HERC5: variants seen among roughly 807,000 people sequenced by gnomAD.
HERC5 encodes HECT and RLD domain containing E3 ubiquitin protein ligase 5, also known as E3 ISG15--protein ligase HERC5.
Under a neutral mutation model 119.6 loss-of-function variants are expected in HERC5, and 99 were observed. That is an observed-to-expected ratio of 0.83 (90% CI 0.70 to 0.98). HERC5 has a LOEUF of 0.98. Ranked by LOEUF, HERC5 falls within the 50% of genes least tolerant of loss-of-function variation. The pLI is 0.00. For missense variants in HERC5, 1,267 were observed against 1,241.3 expected (o/e 1.02, Z -0.31); for synonymous variants, 478 against 445.9 (o/e 1.07, Z -0.91).
intron 14 of HERC5, 143 bp downstream of exon 14, chr4:88,486,371 T>C: frequency 1.8e-6 from 1 of 545,960 alleles, no homozygotes; most frequent in Non-Finnish European, 3.3e-6. Context: ...AATTTTGCAG[T>C]CAGAGTTCCA....
At position 88,493,087 on chromosome 4, in the gene HERC5, A is replaced by G; in HGVS notation, c.2209A>G (p.Met737Val). 6.2e-7 allele frequency: 1 copy of G among 1,614,082 alleles called. No individual in the cohort carries two copies. Among genetic ancestry groups the G allele is most frequent in the Non-Finnish European group, 8.5e-7 (1 of 1,179,972 alleles). The change falls in exon 17 of 23, where the codon ATG becomes GTG. Residue 737 changes from methionine (M) to valine (V), a missense_variant. Coordinates refer to ENST00000264350, the MANE Select transcript of HERC5 (RefSeq NM_016323.4). ...GTTCTTCTACTGTCTGTTTGCAGAG[A>G]TGATCCAGCCGGAATATGGGATGTT... ...KEFFYCLFAE[M>V]IQPEYGMFMY... is the part of the protein sequence containing the mutation.
intron 18 of HERC5, among the ~76,000 whole-genome samples, chr4:88,497,109 A>G (rs1442586510): frequency 6.6e-6 from 1 of 152,218 alleles, no homozygotes; most frequent in Non-Finnish European, 1.5e-5. Context: ...TTCTATTTAT[A>G]GATTACCCAG....
intron 19 of HERC5, 73 bp from the exon 20 acceptor site, chr4:88,500,841 CA>C (rs1319740221): frequency 3.6e-6 from 4 of 1,099,742 alleles, no homozygotes; most frequent in Non-Finnish European, 4.0e-6. Context: ...AAGTATGCTC[CA>C]AAGTGTTTTT....
chr4:88,505,599 A>G, intron 22 of HERC5, 74 bp from the exon 23 acceptor site: 2 of 851,572 alleles, frequency 2.3e-6, no homozygotes, highest in Non-Finnish European at 3.7e-6. Flanking sequence ...TTGTGAATAA[A>G]TAGATTTTTT....
Position 88,468,379 on chromosome 4 carries a change from T to C in HERC5, c.1091T>C (p.Ile364Thr). The C allele has an allele frequency of 6.2e-7, 1 of 1,612,112 alleles. No homozygotes were observed. Among genetic ancestry groups the C allele is most frequent in the Non-Finnish European group, 8.5e-7 (1 of 1,178,892 alleles). The part of the protein sequence containing the change: ...SHTSEKELIM[I>T]AGGNQSILLW... Reference sequence around the variant, plus strand: ...ACCTCAGAAAAGGAGTTAATAATGATTGCTGGAGGGAATCAAAGCATTTTG... The same window carrying C: ...ACCTCAGAAAAGGAGTTAATAATGACTGCTGGAGGGAATCAAAGCATTTTG... The change falls in exon 8 of 23, where the codon ATT becomes ACT. Residue 364 changes from isoleucine to threonine, a missense_variant. By Grantham distance (89) the Ile-to-Thr change is moderately conservative. This residue lies in a region of HERC5 where 777 missense variants were observed against 758.0 expected (regional missense o/e 1.03). Coordinates refer to ENST00000264350, the MANE Select transcript of HERC5 (RefSeq NM_016323.4).
At chr4:88,463,434 A>C (rs1427460038) in intron 4 of HERC5, 98 bp from the exon 5 acceptor site, 1 of 733,360 alleles carries the variant, frequency 1.4e-6, no homozygotes, top group Non-Finnish European at 2.4e-6. Flanking sequence ...TATCATGAGA[A>C]CTGTTGTCGC....
chr4:88,482,918 A>G (rs1028509498), intron 13 of HERC5, among the ~76,000 whole-genome samples: 2 of 152,050 alleles, frequency 1.3e-5, no homozygotes, highest in African/African-American at 4.8e-5. Flanking sequence ...GGTGTGAGCC[A>G]CTGCACCTGG....
At chr4:88,459,279 A>T (rs1740320714) in intron 1 of HERC5, 68 bp from the exon 2 acceptor site, 1 of 1,268,346 alleles carries the variant, frequency 7.9e-7, no homozygotes, top group Non-Finnish European at 1.0e-6. Flanking sequence ...AGTGTATTAT[A>T]ATGAAGTTAG....
At chr4:88,459,582 A>G in intron 2 of HERC5, 112 bp downstream of exon 2, 1 of 671,844 alleles carries the variant, frequency 1.5e-6, no homozygotes, top group Non-Finnish European at 2.4e-6. Flanking sequence ...CATCTTAAGT[A>G]AATAATAAAT....
At chr4:88,466,042 A>T (rs1740653262) in intron 6 of HERC5, among the ~76,000 whole-genome samples, 1 of 151,106 alleles carries the variant, frequency 6.6e-6, no homozygotes, top group Non-Finnish European at 1.5e-5. Flanking sequence ...TAGTCAGAGG[A>T]GTTCACCCAA....
intron 16 of HERC5, among the ~76,000 whole-genome samples, chr4:88,490,134 TG>T (rs1008188617): frequency 6.6e-6 from 1 of 152,254 alleles, no homozygotes; most frequent in African/African-American, 2.4e-5. Flanking sequence ...ACTGATTTTT[TG>T]TTTAATTACC....
At chr4:88,464,764 TTTTA>T (rs904071715) in intron 6 of HERC5, among the ~76,000 whole-genome samples, 3 of 151,908 alleles carry the variant, frequency 2.0e-5, no homozygotes, top group African/African-American at 4.8e-5. Context: ...AATTTTTAAA[TTTTA>T]TTTATTTATT....
chr4:88,479,830 G>C (rs553419365), intron 13 of HERC5, among the ~76,000 whole-genome samples: 9 of 152,210 alleles, frequency 5.9e-5, no homozygotes, highest in African/African-American at 2.2e-4. Context: ...CACTTTAGGA[G>C]GCCAAGGCGG....
rs767587592 is a variant in HERC5 at position 88,505,699 on chromosome 4, C to T, written c.2896C>T (p.Gln966Ter). 6.3e-7 allele frequency: 1 copy of T among 1,585,704 alleles called. No individual in the cohort carries two copies. Among genetic ancestry groups the T allele is most frequent in the Non-Finnish European group, 8.6e-7 (1 of 1,156,192 alleles). Residue 966 changes from glutamine to a stop codon, truncating the protein, a stop_gained, in exon 23 of 23, where the codon CAA (glutamine) becomes TAA (stop). Coordinates refer to ENST00000264350, the MANE Select transcript of HERC5 (RefSeq NM_016323.4). LOFTEE classifies it low-confidence loss of function (END_TRUNC). ...ATTTCTTACAGGAACTGACAGACTA[C>T]AAATGAAAGATTTAAATAATATGAA... ...LVFLTGTDRL[Q>*]MKDLNNMKIT...
intron 18 of HERC5, among the ~76,000 whole-genome samples, chr4:88,497,961 G>A (rs779254040): frequency 8.7e-4 from 132 of 152,276 alleles, no homozygotes; most frequent in Admixed American, 2.0e-3. Flanking sequence ...GATGTCCAGC[G>A]CTGCCTCAAG....
chr4:88,493,140 GT>G lies in HERC5; in HGVS notation c.2263del (p.Trp755GlyfsTer52). 2 of 1,613,858 alleles carry G rather than the reference GT, an allele frequency of 1.2e-6. No homozygotes were observed. The highest frequency in any genetic ancestry group is 1.7e-5 in the Admixed American group (1 of 59,996). ...TGTATCCTGAAGGGGCTTCCTGCAT[GT>G]GGTTTCCTGTCAAGGTAAGTTCCCT... ...FMYPEGASCM[W>X]FPVKPKFEKK... is the part of the protein sequence containing the mutation. On this transcript the variant is annotated frameshift_variant, in exon 17 of 23. Coordinates refer to ENST00000264350, the MANE Select transcript of HERC5 (RefSeq NM_016323.4). LOFTEE classifies it high-confidence loss of function.
chr4:88,475,963 G>C lies in HERC5; in HGVS notation c.1515G>C (p.Trp505Cys), dbSNP rs760474767. The stretch of plus-strand genomic sequence containing the variant: ...CTATGATGCATATTTCCAACAACTG[G>C]GAGAGCCTTGTGGTTCCATTTGCAA... The part of the protein sequence containing the change: ...ECPMMHISNN[W>C]ESLVVPFAKV... The change falls in exon 12 of 23, where the codon TGG becomes TGC. Residue 505 changes from tryptophan to cysteine, a missense_variant. Trp to Cys is a radical substitution (Grantham distance 215). Around this residue, in one of 3 missense-constraint regions of HERC5, gnomAD observed 777 missense variants for 758.0 expected, o/e 1.03. Transcript: ENST00000264350. The C allele has an allele frequency of 1.9e-6, 3 of 1,613,996 alleles. No individual in the cohort carries two copies. Among genetic ancestry groups the C allele is most frequent in the African/African-American group, 1.3e-5 (1 of 75,024 alleles).
chr4:88,489,667 A>G (rs866449536), intron 16 of HERC5, among the ~76,000 whole-genome samples: 4 of 152,240 alleles, frequency 2.6e-5, no homozygotes, highest in African/African-American at 9.6e-5. Flanking sequence ...TTTCAATGAG[A>G]TGGTTAGCAT....
chr4:88,463,176 A>G (rs564397453), intron 4 of HERC5, among the ~76,000 whole-genome samples: 1 of 152,382 alleles, frequency 6.6e-6, no homozygotes, highest in East Asian at 1.9e-4. Flanking sequence ...TGATGACACT[A>G]GTAGATAATT....
Sources: allele counts gnomAD v4.1 joint callset (sites outside exome capture counted in the v4.1 genomes callset), GRCh38; gene constraint gnomAD v4.1.1; regional missense constraint gnomAD v4.1.1; transcripts MANE v1.5; gene names NCBI Gene and HGNC (gene_info 2026-07-23, HGNC 2026-07-21).